The following HNRNPA1L2 variants were observed in gnomAD, a reference collection of about 807,000 sequenced individuals.
The protein encoded by HNRNPA1L2 is heterogeneous nuclear ribonucleoprotein A1 like 2.
A neutral mutation model predicts 18.2 loss-of-function variants in HNRNPA1L2; 10 were observed. The observed-to-expected ratio is 0.55, with a 90% confidence interval of 0.34 to 0.93. The LOEUF (loss-of-function observed/expected upper bound fraction) is 0.93. HNRNPA1L2 is among the 40% of genes least tolerant of loss of function. The pLI, the probability that HNRNPA1L2 is intolerant of heterozygous loss-of-function variation, is 0.02. For missense variants in HNRNPA1L2, 308 were observed against 394.4 expected, an observed-to-expected ratio of 0.78 and a Z score of 1.85; for synonymous variants, 124 against 138.6, an observed-to-expected ratio of 0.89 and a Z score of 0.74.
chr13:52,618,062 G>C, the HNRNPA1L2 span, among the ~76,000 whole-genome samples: 10 of 152,146 alleles, frequency 6.6e-5, no homozygotes, highest in African/African-American at 2.4e-4. Context: ...ACTTTACAGC[G>C]TGCCAGTACT....
chr13:52,630,299 C>T, the HNRNPA1L2 span, among the ~76,000 whole-genome samples: 6 of 152,108 alleles, frequency 3.9e-5, no homozygotes, highest in Non-Finnish European at 5.9e-5. Flanking sequence ...TTTTTTGAGA[C>T]GGAGTCTCAC....
At chr13:52,637,158 A>G in the HNRNPA1L2 span, 1 of 152,412 alleles carries the variant, frequency 6.6e-6, no homozygotes. Context: ...TGTTGCTGTT[A>G]TCTCTCCGTG....
chr13:52,625,679 G>A, the HNRNPA1L2 span, among the ~76,000 whole-genome samples: 1 of 152,204 alleles, frequency 6.6e-6, no homozygotes, highest in Non-Finnish European at 1.5e-5. Context: ...TTTACAAGTG[G>A]TTTATGAAAG....
At chr13:52,633,295 C>G in the HNRNPA1L2 span, among the ~76,000 whole-genome samples, 2 of 152,160 alleles carry the variant, frequency 1.3e-5, no homozygotes, top group Non-Finnish European at 2.9e-5. Flanking sequence ...ATGGGAAGAA[C>G]ATTCAAGGAA....
chr13:52,618,859 T>A, the HNRNPA1L2 span, among the ~76,000 whole-genome samples: 1 of 152,162 alleles, frequency 6.6e-6, no homozygotes, highest in African/African-American at 2.4e-5. Context: ...ATGTTAGTGT[T>A]ATGGAGTTAC....
At chr13:52,623,456 T>G in the HNRNPA1L2 span, among the ~76,000 whole-genome samples, 2,221 of 152,330 alleles carry the variant, frequency 0.015, 25 homozygotes, top group Middle Eastern at 0.031. Context: ...ATTGAAAATA[T>G]TGCAGGATGG....
the HNRNPA1L2 span, among the ~76,000 whole-genome samples, chr13:52,630,438 C>G: frequency 0.038 from 5,784 of 152,202 alleles, 137 homozygotes; most frequent in South Asian, 0.07. Flanking sequence ...CCATGCCCAG[C>G]TCATTTTTGT....
chr13:52,626,876 C>T, the HNRNPA1L2 span, among the ~76,000 whole-genome samples: 1 of 152,132 alleles, frequency 6.6e-6, no homozygotes, highest in African/African-American at 2.4e-5. Flanking sequence ...ATTGTTTTTT[C>T]ACCTCAGATT....
chr13:52,639,899 T>TG (rs1167428530), upstream of HNRNPA1L2, among the ~76,000 whole-genome samples: 848 of 143,072 alleles, frequency 5.9e-3, 3 homozygotes, highest in African/African-American at 0.014. Context: ...TTTTTTTGTT[T>TG]TTTTTTTTTT....
chr13:52,625,842 A>G, the HNRNPA1L2 span, among the ~76,000 whole-genome samples: 37 of 152,072 alleles, frequency 2.4e-4, no homozygotes, highest in East Asian at 1.5e-3. Flanking sequence ...TGGTGGAACA[A>G]TCATCACTCA....
At chr13:52,633,889 C>T in the HNRNPA1L2 span, among the ~76,000 whole-genome samples, 1 of 152,122 alleles carries the variant, frequency 6.6e-6, no homozygotes, top group Non-Finnish European at 1.5e-5. Flanking sequence ...ATCTTTCTAC[C>T]AGTTATTTAT....
At chr13:52,619,888 T>C in the HNRNPA1L2 span, among the ~76,000 whole-genome samples, 2 of 130,408 alleles carry the variant, frequency 1.5e-5, no homozygotes, top group Non-Finnish European at 3.1e-5. Context: ...GCCACTGCAC[T>C]CTAGCCTGGC....
At chr13:52,642,377 C>CGTG, upstream of HNRNPA1L2, 1 of 1,353,008 alleles carries the variant, frequency 7.4e-7, no homozygotes, top group Non-Finnish European at 1.0e-6. Context: ...AGAGAATCAG[C>CGTG]CAGAATCTCA....
the HNRNPA1L2 span, chr13:52,637,405 A>G: frequency 4.0e-6 from 1 of 251,138 alleles, no homozygotes; most frequent in Non-Finnish European, 8.1e-6. Context: ...TCCAGGGGAC[A>G]AAAGAGGGGA....
At chr13:52,628,954 C>A in the HNRNPA1L2 span, among the ~76,000 whole-genome samples, 1 of 152,168 alleles carries the variant, frequency 6.6e-6, no homozygotes, top group Non-Finnish European at 1.5e-5. Context: ...CGGCTTACTG[C>A]AACCTCCACC....
the HNRNPA1L2 span, among the ~76,000 whole-genome samples, chr13:52,626,646 T>C: frequency 6.6e-6 from 1 of 152,108 alleles, no homozygotes; most frequent in Admixed American, 6.6e-5. Flanking sequence ...TATTCTTGTA[T>C]TATATATACC....
the HNRNPA1L2 span, among the ~76,000 whole-genome samples, chr13:52,631,133 G>C: frequency 6.6e-5 from 10 of 152,068 alleles, no homozygotes; most frequent in Admixed American, 5.9e-4. Context: ...CAGGGTCTGG[G>C]GTATCAACCC....
chr13:52,636,547 CAG>C, the HNRNPA1L2 span, among the ~76,000 whole-genome samples: 2 of 152,136 alleles, frequency 1.3e-5, no homozygotes, highest in Non-Finnish European at 2.9e-5. Context: ...AATTTAAGCA[CAG>C]AGGAAGTACT....
At chr13:52,620,795 G>A in the HNRNPA1L2 span, among the ~76,000 whole-genome samples, 2 of 151,966 alleles carry the variant, frequency 1.3e-5, no homozygotes, top group Non-Finnish European at 2.9e-5. Flanking sequence ...GAGGATCGCC[G>A]GAGCCTGGGG....
Sources: allele counts gnomAD v4.1 joint callset (sites outside exome capture counted in the v4.1 genomes callset), GRCh38; gene constraint gnomAD v4.1.1; transcripts MANE v1.5; gene names NCBI Gene and HGNC (gene_info 2026-07-23, HGNC 2026-07-21).